The following ALG14 variants were observed in gnomAD, a reference collection of about 807,000 sequenced individuals.
ALG14 encodes ALG14 UDP-N-acetylglucosaminyltransferase subunit.
Under a neutral mutation model 22.8 loss-of-function variants are expected in ALG14, and 17 were observed. The ratio of observed to expected loss-of-function variants is 0.75; its 90% CI spans 0.51 to 1.12. ALG14 has a LOEUF of 1.12. ALG14 is among the 50% of genes most tolerant of loss of function. The pLI is 0.00. For synonymous variants in ALG14, 89 were observed against 103.7 expected (o/e 0.86, Z 0.86); for missense variants, 288 against 271.8 (o/e 1.06, Z -0.42).
chr1:95,049,577 A>T (rs1049444231), intron 2 of ALG14, among the ~76,000 whole-genome samples: 2 of 152,038 alleles, frequency 1.3e-5, no homozygotes, highest in Admixed American at 1.3e-4. Context: ...GCCAGGCAAA[A>T]AATAAGGGCA....
At chr1:95,028,673 G>GCTGGGTGC (rs1553228435) in intron 2 of ALG14, among the ~76,000 whole-genome samples, 1 of 151,762 alleles carries the variant, frequency 6.6e-6, no homozygotes, top group Non-Finnish European at 1.5e-5. Context: ...ACAAAAAATA[G>GCTGGGTGC]CTGTAGTCTC....
chr1:95,058,374 G>A (rs1675010539), intron 2 of ALG14, among the ~76,000 whole-genome samples: 1 of 150,926 alleles, frequency 6.6e-6, no homozygotes, highest in Non-Finnish European at 1.5e-5. Flanking sequence ...AGCATTTTGG[G>A]AGGCTGAGGA....
At chr1:95,016,990 TG>T (rs1673519156) in intron 3 of ALG14, among the ~76,000 whole-genome samples, 3 of 138,528 alleles carry the variant, frequency 2.2e-5, no homozygotes, top group Non-Finnish European at 4.7e-5. Flanking sequence ...TGTGTGTGTG[TG>T]TGTGTAGTGT....
chr1:94,997,573 T>C (rs1273524636), intron 3 of ALG14, among the ~76,000 whole-genome samples: 4 of 152,166 alleles, frequency 2.6e-5, no homozygotes, highest in Non-Finnish European at 5.9e-5. Context: ...CTGCCTGGGA[T>C]TGCATCCTGG....
rs1210290534 is a variant in ALG14, at chr1:94,982,555, C to T, written c.*521G>A. 1 of 152,930 alleles carries T rather than the reference C, an allele frequency of 6.5e-6. No individual in the cohort carries two copies. The highest frequency in any genetic ancestry group is 1.5e-5 in the Non-Finnish European group (1 of 68,758). 9.5% of individuals were successfully genotyped at this position (152,930 alleles called of 1,614,324 possible). A position where few individuals can be genotyped will look rare whatever the true frequency, so the allele number is the denominator to read the frequency against. On this transcript the variant is annotated 3_prime_UTR_variant, in exon 4 of 4. Transcript: ENST00000370205. ...TGTGGAGTGCAAATTGTCATGAAGC[C>T]AATTTAATATAACTGCTTCCTTTAT...
At chr1:95,001,011 C>A (rs1197353006) in intron 3 of ALG14, among the ~76,000 whole-genome samples, 4 of 152,110 alleles carry the variant, frequency 2.6e-5, no homozygotes, top group African/African-American at 9.7e-5. Context: ...TATGATTATC[C>A]ATATTTTAAG....
intron 2 of ALG14, among the ~76,000 whole-genome samples, chr1:95,048,008 T>G (rs72720247): frequency 0.01 from 1,585 of 152,210 alleles, 31 homozygotes; most frequent in South Asian, 0.02. Context: ...AAATAAAATT[T>G]GGAATGAACA....
intron 1 of ALG14, among the ~76,000 whole-genome samples, chr1:95,069,245 G>A (rs1675479123): frequency 6.6e-6 from 1 of 152,216 alleles, no homozygotes; most frequent in South Asian, 2.1e-4. Flanking sequence ...TCGGGAGGCT[G>A]TCTCAGAATC....
At chr1:95,072,616 TG>T in intron 1 of ALG14, 146 bp downstream of exon 1, 1 of 1,209,288 alleles carries the variant, frequency 8.3e-7, no homozygotes, top group Non-Finnish European at 1.1e-6. Context: ...CTGGCTGGAC[TG>T]CCCGGTTCCG....
intron 2 of ALG14, among the ~76,000 whole-genome samples, chr1:95,051,497 A>G (rs1247971746): frequency 1.3e-5 from 2 of 152,188 alleles, no homozygotes; most frequent in African/African-American, 2.4e-5. Context: ...GTCAGCGACT[A>G]AAGTGATTCT....
chr1:95,023,742 T>C (rs1337264738), intron 3 of ALG14, among the ~76,000 whole-genome samples: 1 of 152,194 alleles, frequency 6.6e-6, no homozygotes, highest in African/African-American at 2.4e-5. Flanking sequence ...CATTTGGTAA[T>C]GGCCAGGGTG....
intron 2 of ALG14, among the ~76,000 whole-genome samples, chr1:95,046,739 C>T (rs1043482092): frequency 1.3e-5 from 2 of 152,162 alleles, no homozygotes; most frequent in Non-Finnish European, 2.9e-5. Context: ...AATACTACAG[C>T]ATTTAGTGAA....
chr1:94,986,429 G>C (rs1381779082), intron 3 of ALG14, among the ~76,000 whole-genome samples: 1 of 152,098 alleles, frequency 6.6e-6, no homozygotes, highest in Non-Finnish European at 1.5e-5. Flanking sequence ...TTGACCATCT[G>C]TAATTCTAAC....
In ALG14 at chr1:95,048,532, T is replaced by C. The variant is rs1249545973; in HGVS notation, c.288+16334A>G. 3.9e-5 allele frequency among the ~76,000 whole-genome samples: 6 copies of C among 152,166 alleles called. No individual in the cohort carries two copies. The East Asian group carries it at 9.6e-4, about 24-fold the overall frequency. ...CTGCAATGCCCTGAGCCTCATTTCCTTCCACGCCTTGGAGGGGTGGATGTC... is the reference window on the plus strand; with the variant it reads ...CTGCAATGCCCTGAGCCTCATTTCCCTCCACGCCTTGGAGGGGTGGATGTC... On this transcript the variant is annotated intron_variant, in intron 2 of 3. Coordinates refer to ENST00000370205, the MANE Select transcript of ALG14 (RefSeq NM_144988.4).
chr1:95,065,817 A>C (rs6669249), intron 1 of ALG14, among the ~76,000 whole-genome samples: 111,597 of 152,154 alleles, frequency 0.73, 41,544 homozygotes, highest in African/African-American at 0.79. Flanking sequence ...TTTCTGAAAT[A>C]ATATAATCTC....
At chr1:94,989,010 T>C (rs78316108) in intron 3 of ALG14, among the ~76,000 whole-genome samples, 6,490 of 152,262 alleles carry the variant, frequency 0.043, 189 homozygotes, top group Middle Eastern at 0.088. Flanking sequence ...GTAAAGTTAG[T>C]TATATTTGTT....
At chr1:95,028,133 C>T (rs1345618772) in intron 2 of ALG14, among the ~76,000 whole-genome samples, 1 of 152,196 alleles carries the variant, frequency 6.6e-6, no homozygotes, top group Non-Finnish European at 1.5e-5. Context: ...TGCATACATA[C>T]ACACATCAGT....
At chr1:95,024,883 G>C (rs1673767629) in intron 3 of ALG14, among the ~76,000 whole-genome samples, 1 of 151,990 alleles carries the variant, frequency 6.6e-6, no homozygotes, top group Non-Finnish European at 1.5e-5. Flanking sequence ...CATGCAGGAG[G>C]GCTGGAATAT....
At chr1:94,997,834 G>A (rs1033169509) in intron 3 of ALG14, among the ~76,000 whole-genome samples, 4 of 152,272 alleles carry the variant, frequency 2.6e-5, no homozygotes, top group South Asian at 2.1e-4. Flanking sequence ...TAACTGAAGC[G>A]GGGAGGAGAA....
Sources: allele counts gnomAD v4.1 joint callset (sites outside exome capture counted in the v4.1 genomes callset), GRCh38; gene constraint gnomAD v4.1.1; transcripts MANE v1.5; gene names NCBI Gene and HGNC (gene_info 2026-07-23, HGNC 2026-07-21).